FAM171A1: variants seen among roughly 807,000 people sequenced by gnomAD.
FAM171A1 encodes protein FAM171A1.
FAM171A1 carries 23 observed loss-of-function variants against 74.9 expected under a neutral mutation model. The ratio of observed to expected loss-of-function variants is 0.31; its 90% confidence interval spans 0.22 to 0.44. The LOEUF (loss-of-function observed/expected upper bound fraction) is 0.44, where lower values mean the gene tolerates loss of function less well. FAM171A1 is among the 20% of genes least tolerant of loss of function. The probability of loss-of-function intolerance (pLI) is 1.00; values close to 1 mark genes in which losing one functional copy is unlikely to be tolerated. For synonymous variants in FAM171A1, 527 were observed against 505.7 expected, an observed-to-expected ratio of 1.04 and a Z score of -0.57; for missense variants, 1,162 against 1,159.2, an observed-to-expected ratio of 1.00 and a Z score of -0.03.
At chr10:15,271,064 G>A (rs967545886) in intron 3 of FAM171A1, among the ~76,000 whole-genome samples, 3 of 152,182 alleles carry the variant, frequency 2.0e-5, no homozygotes, top group Non-Finnish European at 4.4e-5. Context: ...TGCTTCAGAC[G>A]ATCGGTAATA....
intron 1 of FAM171A1, among the ~76,000 whole-genome samples, chr10:15,291,272 T>G (rs939455483): frequency 6.6e-6 from 1 of 152,184 alleles, no homozygotes; most frequent in Admixed American, 6.5e-5. Flanking sequence ...AGGTGGTCAA[T>G]AAAAGTTTGC....
At chr10:15,344,270 G>A (rs767456915) in intron 1 of FAM171A1, among the ~76,000 whole-genome samples, 28 of 152,166 alleles carry the variant, frequency 1.8e-4, no homozygotes, top group Non-Finnish European at 2.9e-4. Flanking sequence ...AATTGAGAGC[G>A]AAAAACTGTT....
rs772843215 is a variant in FAM171A1, at chr10:15,213,785, G to T, written c.1803C>A (p.Leu601=). The change falls in exon 8 of 8, where the codon CTC becomes CTA. Residue 601 remains leucine (L), a synonymous_variant. Coordinates refer to ENST00000378116, the MANE Select transcript of FAM171A1 (RefSeq NM_001010924.2). This position sits in a 1 kb window ranked among gnomAD's most constrained non-coding sequence, Gnocchi z 6.8. ...PGDHSYVSQP[L]VVPADQQLEI... is the part of the protein sequence containing the mutation. Reference sequence around the variant, plus strand: ...CAAGCTGCTGATCAGCCGGGACGACGAGGGGCTGGCTGACATAGGAGTGGT... The same window carrying T: ...CAAGCTGCTGATCAGCCGGGACGACTAGGGGCTGGCTGACATAGGAGTGGT... The T allele has an allele frequency of 4.3e-6, 7 of 1,614,040 alleles. No individual in the cohort carries two copies. In the African/African-American group the frequency reaches 5.3e-5, roughly 12 times the overall value.
At chr10:15,358,866 A>C (rs45479998) in intron 1 of FAM171A1, among the ~76,000 whole-genome samples, 11,916 of 152,250 alleles carry the variant, frequency 0.078, 859 homozygotes, top group African/African-American at 0.19. Context: ...GTGAAATTAT[A>C]ATATAATCCT....
chr10:15,334,617 G>T (rs1417047831), intron 1 of FAM171A1, among the ~76,000 whole-genome samples: 1 of 152,204 alleles, frequency 6.6e-6, no homozygotes, highest in African/African-American at 2.4e-5. Flanking sequence ...AGAGCAGGGG[G>T]AAAGGGTGTA....
At chr10:15,362,994 T>C (rs1451011027) in intron 1 of FAM171A1, among the ~76,000 whole-genome samples, 2 of 152,220 alleles carry the variant, frequency 1.3e-5, no homozygotes, top group Non-Finnish European at 2.9e-5. Flanking sequence ...TTTTGTCCAA[T>C]AAGTATTTAG....
At chr10:15,254,386 AGTCT>A (rs1834548891) in intron 4 of FAM171A1, among the ~76,000 whole-genome samples, 1 of 152,206 alleles carries the variant, frequency 6.6e-6, no homozygotes, top group South Asian at 2.1e-4. Context: ...AAAAACCCTA[AGTCT>A]AATCTTATAC....
intron 1 of FAM171A1, among the ~76,000 whole-genome samples, chr10:15,331,816 G>T (rs118055378): frequency 0.012 from 1,090 of 91,978 alleles, 28 homozygotes; most frequent in East Asian, 0.06. Flanking sequence ...TATATATGTG[G>T]GTATATATAT....
At chr10:15,315,223 G>A (rs1381570505) in intron 1 of FAM171A1, among the ~76,000 whole-genome samples, 1 of 152,218 alleles carries the variant, frequency 6.6e-6, no homozygotes, top group African/African-American at 2.4e-5. Flanking sequence ...TAGGAAGGCA[G>A]AGAGTGGTTC....
intron 1 of FAM171A1, among the ~76,000 whole-genome samples, chr10:15,362,688 C>T (rs1262345696): frequency 6.6e-6 from 1 of 152,220 alleles, no homozygotes; most frequent in African/African-American, 2.4e-5. Flanking sequence ...GGTGCCACTG[C>T]ACTCCAGCCT....
chr10:15,268,588 A>G (rs1834779320), intron 3 of FAM171A1, among the ~76,000 whole-genome samples: 1 of 152,030 alleles, frequency 6.6e-6, no homozygotes, highest in African/African-American at 2.4e-5. Flanking sequence ...GGCGTCATCC[A>G]AGGCCCCATT....
At chr10:15,248,598 G>A (rs1834464600) in intron 5 of FAM171A1, 41 bp downstream of exon 5, 1 of 1,550,514 alleles carries the variant, frequency 6.4e-7, no homozygotes, top group African/African-American at 1.4e-5. Context: ...CAGTAACGAA[G>A]CCATCTGGTA....
At chr10:15,287,344 A>G (rs1408117255) in intron 1 of FAM171A1, among the ~76,000 whole-genome samples, 2 of 149,964 alleles carry the variant, frequency 1.3e-5, no homozygotes, top group Non-Finnish European at 3.0e-5. Flanking sequence ...TGCCCACCTC[A>G]GCCTCCCAAA....
chr10:15,311,490 C>T (rs1318916669), intron 1 of FAM171A1, among the ~76,000 whole-genome samples: 1 of 152,158 alleles, frequency 6.6e-6, no homozygotes, highest in African/African-American at 2.4e-5. Flanking sequence ...GCTTTTGTTT[C>T]CTCCTTCAAA....
chr10:15,361,514 C>T (rs1564291113), intron 1 of FAM171A1, among the ~76,000 whole-genome samples: 1 of 152,082 alleles, frequency 6.6e-6, no homozygotes, highest in Non-Finnish European at 1.5e-5. Context: ...AAAACCCTGT[C>T]TCTACAAAAA....
intron 1 of FAM171A1, among the ~76,000 whole-genome samples, chr10:15,286,820 A>G (rs964606722): frequency 2.0e-5 from 3 of 152,182 alleles, no homozygotes; most frequent in African/African-American, 7.2e-5. Context: ...GAGCTAAAGA[A>G]TCCTAGACCT....
chr10:15,283,221 A>G (rs1394204827), intron 2 of FAM171A1, among the ~76,000 whole-genome samples: 2 of 152,182 alleles, frequency 1.3e-5, no homozygotes, highest in African/African-American at 4.8e-5. Flanking sequence ...TGGTGTGGCC[A>G]GATACCCACC....
At chr10:15,286,392 T>C (rs1460660000) in intron 1 of FAM171A1, among the ~76,000 whole-genome samples, 1 of 152,138 alleles carries the variant, frequency 6.6e-6, no homozygotes, top group East Asian at 1.9e-4. Flanking sequence ...GCAATTCTCC[T>C]GCCTCAGCCT....
At chr10:15,322,894 C>T (rs964601930) in intron 1 of FAM171A1, among the ~76,000 whole-genome samples, 2 of 152,186 alleles carry the variant, frequency 1.3e-5, no homozygotes. Flanking sequence ...AATCCCAGCA[C>T]TTTGGGAGGC....
Sources: gnomAD v4.1 joint callset for allele counts (sites outside exome capture counted in the v4.1 genomes callset) on GRCh38, gnomAD v4.1.1 for gene constraint, Gnocchi (gnomAD v3.1) non-coding constraint, MANE v1.5 for transcripts, NCBI Gene and HGNC (gene_info 2026-07-23, HGNC 2026-07-21) for gene names.